The following BANP variants were observed in gnomAD, a reference collection of about 807,000 sequenced individuals.
The protein encoded by BANP is BTG3 associated nuclear protein, also known as protein BANP.
In BANP, 11 loss-of-function variants were observed where a neutral mutation model predicts 68.1. The observed-to-expected ratio is 0.16, with a 90% CI of 0.10 to 0.27. The LOEUF is 0.27. Among genes scored for constraint, BANP ranks in the 10% least tolerant of loss-of-function variants. The pLI, the probability that BANP is intolerant of heterozygous loss-of-function variation, is 1.00. For synonymous variants in BANP, 329 were observed against 303.2 expected, an observed-to-expected ratio of 1.09 and a Z score of -0.88; for missense variants, 504 against 722.7, an observed-to-expected ratio of 0.70 and a Z score of 3.47.
intron 11 of BANP, among the ~76,000 whole-genome samples, chr16:88,046,959 G>A (rs764727842): frequency 8.6e-5 from 13 of 151,866 alleles, no homozygotes; most frequent in Admixed American, 5.2e-4. Context: ...CCAGCTACTC[G>A]GGAGGCTGAG....
chr16:87,980,918 A>G (rs2063131128), intron 2 of BANP, 118 bp from the exon 3 acceptor site: 1 of 681,854 alleles, frequency 1.5e-6, no homozygotes, highest in African/African-American at 1.8e-5. Context: ...AATATGAGAT[A>G]GGTTCTGCTG....
rs954513154 is a variant in BANP at position 88,071,651 on chromosome 16, C to G, written c.1378-418C>G. On this transcript the variant is annotated intron_variant, in intron 12 of 13. Coordinates refer to ENST00000682872, the MANE Select transcript of BANP (RefSeq NM_001386991.1). The surrounding 1 kb of genome is among the most constrained non-coding windows in gnomAD (Gnocchi z 6.5). ...GGAGGGTTTGGGTCTCAGCCTCACG[C>G]TCACGGTCCTGGCTTGGATTTTAGG... 4.3e-6 allele frequency: 2 copies of G among 467,604 alleles called. No homozygotes were observed. Among genetic ancestry groups the G allele is most frequent in the Non-Finnish European group, 8.5e-6 (2 of 234,638 alleles). 29.0% of individuals were successfully genotyped at this position (467,604 alleles called of 1,614,324 possible).
rs1247211877 is a variant in BANP, at chr16:88,006,238, G to A, written c.628G>A (p.Val210Ile). 19 of 1,609,830 alleles carry A rather than the reference G, an allele frequency of 1.2e-5. No individual in the cohort carries two copies. Among genetic ancestry groups the A allele is most frequent in the East Asian group, 2.2e-5 (1 of 44,740 alleles). The change falls in exon 6 of 14, where the codon GTC (valine) becomes ATC (isoleucine). Residue 210 changes from valine to isoleucine, a missense_variant. This residue lies in a region of BANP where 43 missense variants were observed against 197.7 expected (regional missense o/e 0.22). Coordinates refer to ENST00000682872, the MANE Select transcript of BANP (RefSeq NM_001386991.1). The stretch of plus-strand genomic sequence containing the variant: ...GGGCAGTCAGAGCATCGGGAGCAAC[G>A]TCACGCTCATCACCCTGAACTCGGA... ...QAGSQSIGSN[V>I]TLITLNSEED...
At chr16:88,042,361 G>A (rs1598782369) in intron 11 of BANP, among the ~76,000 whole-genome samples, 1 of 152,248 alleles carries the variant, frequency 6.6e-6, no homozygotes, top group East Asian at 1.9e-4. Context: ...TCCTCCCCGA[G>A]CTGTGCCCTC....
At chr16:87,974,853 G>C (rs535859655) in intron 1 of BANP, among the ~76,000 whole-genome samples, 195 bp from the exon 2 acceptor site, 3 of 152,184 alleles carry the variant, frequency 2.0e-5, no homozygotes. Context: ...AAGAGGCAGC[G>C]GGTGGCGTTT....
intron 7 of BANP, among the ~76,000 whole-genome samples, chr16:88,021,328 G>A (rs945772332): frequency 1.3e-4 from 20 of 152,162 alleles, no homozygotes; most frequent in Admixed American, 9.2e-4. Context: ...AAGTCCCTCC[G>A]GGGTGGGGCT....
chr16:87,968,729 T>G (rs1416974004), intron 1 of BANP, among the ~76,000 whole-genome samples: 1 of 152,050 alleles, frequency 6.6e-6, no homozygotes, highest in Non-Finnish European at 1.5e-5. Flanking sequence ...CTGGAGCAGC[T>G]CCGAAGGCTG....
chr16:88,048,247 A>G (rs2082444452), intron 11 of BANP, among the ~76,000 whole-genome samples: 1 of 152,252 alleles, frequency 6.6e-6, no homozygotes, highest in African/African-American at 2.4e-5. Context: ...AGACTTAGCC[A>G]ACTAAAAATA....
At chr16:88,001,347 C>T (rs1181829258) in intron 4 of BANP, among the ~76,000 whole-genome samples, 2 of 151,566 alleles carry the variant, frequency 1.3e-5, no homozygotes, top group Non-Finnish European at 2.9e-5. Context: ...GACACGTCTC[C>T]ATGCACGCAC....
At chr16:87,950,435 C>T (rs916863998), upstream of BANP, 2 of 128,434 alleles carry the variant, frequency 1.6e-5, no homozygotes, top group Non-Finnish European at 3.3e-5. Flanking sequence ...ACATTCACGT[C>T]ATCACTTTTT....
At chr16:87,991,233 A>G (rs1301988316) in intron 4 of BANP, among the ~76,000 whole-genome samples, 1 of 151,262 alleles carries the variant, frequency 6.6e-6, no homozygotes, top group Non-Finnish European at 1.5e-5. Flanking sequence ...ATTGTATGGT[A>G]CAGTTTACAT....
At chr16:87,985,498 T>C (rs984632507) in intron 4 of BANP, among the ~76,000 whole-genome samples, 8 of 152,208 alleles carry the variant, frequency 5.3e-5, no homozygotes, top group Non-Finnish European at 1.0e-4. Flanking sequence ...AATGCCTTTT[T>C]TTTTAGGATA....
chr16:87,999,063 C>T (rs1341347140), intron 4 of BANP, among the ~76,000 whole-genome samples: 31 of 136,506 alleles, frequency 2.3e-4, no homozygotes, highest in Admixed American at 7.3e-4. Flanking sequence ...CTTCCAGACA[C>T]GTCTCCATGC....
At chr16:88,026,583 G>A (rs546213588) in intron 7 of BANP, among the ~76,000 whole-genome samples, 16 of 151,576 alleles carry the variant, frequency 1.1e-4, no homozygotes, top group Admixed American at 3.9e-4. Context: ...CAATACATGC[G>A]TGAATTCTCC....
chr16:88,033,069 A>T, intron 8 of BANP, 40 bp from the exon 9 acceptor site: 1 of 1,550,848 alleles, frequency 6.4e-7, no homozygotes, highest in Non-Finnish European at 8.8e-7. Flanking sequence ...ATGCCTAAGA[A>T]ACTTCTCGTT....
At position 88,018,137 on chromosome 16, in the gene BANP, G is replaced by A. The variant is rs7499472; in HGVS notation, c.656-291G>A. Among the ~76,000 whole-genome samples, 104,525 of 151,690 alleles carry A rather than the reference G, an allele frequency of 0.69. 37,762 individuals carry two copies. Among genetic ancestry groups the A allele is most frequent in the Non-Finnish European group, 0.82 (55,434 of 67,898 alleles). On this transcript the variant is annotated intron_variant, in intron 6 of 13. Coordinates refer to ENST00000682872, the MANE Select transcript of BANP (RefSeq NM_001386991.1). This position sits in a 1 kb window ranked among gnomAD's most constrained non-coding sequence, Gnocchi z 7.7. ...GTATTGCTGGGGTCCCGGGTCCAGGGTGAGCAGAGTGTGTGACCGTGTTGG... is the reference window on the plus strand; with the variant it reads ...GTATTGCTGGGGTCCCGGGTCCAGGATGAGCAGAGTGTGTGACCGTGTTGG...
chr16:88,021,819 C>G (rs1278531974), intron 7 of BANP, among the ~76,000 whole-genome samples: 5 of 152,206 alleles, frequency 3.3e-5, no homozygotes, highest in Non-Finnish European at 7.3e-5. Context: ...CTGCGGCTGT[C>G]CTCACTCAAC....
In BANP at chr16:88,074,210, C is replaced by T. The variant is rs2091093973; in HGVS notation, c.1521+1998C>T. On this transcript the variant is annotated intron_variant, in intron 13 of 13. Transcript: ENST00000682872. ...GTTGAGCCTCCTTATCCACATGAAG[C>T]CCCCACCCCAGTCATGCTTGGGAAT... 2.5e-4 allele frequency among the ~76,000 whole-genome samples: 36 copies of T among 143,916 alleles called. 2 individuals carry two copies. In the Admixed American group the frequency reaches 2.5e-3, roughly 10 times the overall value. 94.4% of individuals were successfully genotyped at this position (143,916 alleles called of 152,430 possible). A position where few individuals can be genotyped will look rare whatever the true frequency, so the allele number is the denominator to read the frequency against.
intron 2 of BANP, chr16:87,978,396 AAGGTT>A (rs1475084217): frequency 7.5e-6 from 2 of 266,554 alleles, no homozygotes; most frequent in African/African-American, 4.5e-5. Flanking sequence ...AGCAAACTAA[AAGGTT>A]AGAGTAATGA....
Sources: allele counts gnomAD v4.1 joint callset (sites outside exome capture counted in the v4.1 genomes callset), GRCh38; gene constraint gnomAD v4.1.1; regional missense constraint gnomAD v4.1.1; non-coding constraint Gnocchi (gnomAD v3.1); transcripts MANE v1.5; gene names NCBI Gene and HGNC (gene_info 2026-07-23, HGNC 2026-07-21).